ETV6: variants seen among roughly 807,000 people sequenced by gnomAD.
ETV6 encodes the protein transcription factor ETV6.
A neutral mutation model predicts 51.1 loss-of-function variants in ETV6; 16 were observed. That is an observed-to-expected ratio of 0.31 (90% CI 0.21 to 0.48). ETV6 has a LOEUF of 0.48. Ranked by LOEUF, ETV6 falls within the 20% of genes least tolerant of loss-of-function variation. ETV6 has a pLI of 0.99. For missense variants in ETV6, 458 were observed against 594.8 expected (o/e 0.77, Z 2.39); for synonymous variants, 240 against 224.1 (o/e 1.07, Z -0.64).
chr12:11,738,522 A>G (rs1453547422), intron 1 of ETV6, among the ~76,000 whole-genome samples: 2 of 151,234 alleles, frequency 1.3e-5, no homozygotes, highest in Non-Finnish European at 2.9e-5. Context: ...GCCCAGACTC[A>G]TCTCAAACTC....
At chr12:11,650,306 C>T in intron 1 of ETV6, 146 bp downstream of exon 1, 1 of 742,540 alleles carries the variant, frequency 1.3e-6, no homozygotes, top group South Asian at 1.5e-5. Context: ...AGATGCAGCT[C>T]GCGGTGGCTG....
intron 2 of ETV6, among the ~76,000 whole-genome samples, chr12:11,820,680 A>G (rs2710285): frequency 0.28 from 42,158 of 151,944 alleles, 6,124 homozygotes; most frequent in East Asian, 0.49. Flanking sequence ...GAGGGAAAGG[A>G]TGATGGCAGG....
chr12:11,755,232 C>G (rs954339304), intron 2 of ETV6, among the ~76,000 whole-genome samples: 1 of 152,162 alleles, frequency 6.6e-6, no homozygotes, highest in Admixed American at 6.5e-5. Flanking sequence ...TATCACCCTT[C>G]GAAGGATGGA....
chr12:11,818,686 G>A (rs1946032441), intron 2 of ETV6, among the ~76,000 whole-genome samples: 1 of 152,200 alleles, frequency 6.6e-6, no homozygotes, highest in African/African-American at 2.4e-5. Flanking sequence ...TGCTTTCCAA[G>A]GACAGTAGAA....
chr12:11,830,019 G>A (rs1946218121), intron 2 of ETV6, among the ~76,000 whole-genome samples: 1 of 152,176 alleles, frequency 6.6e-6, no homozygotes, highest in African/African-American at 2.4e-5. Context: ...GATTTGCAGA[G>A]AGCAGGCCGG....
At chr12:11,812,565 TTTC>T (rs1201143321) in intron 2 of ETV6, among the ~76,000 whole-genome samples, 5 of 152,128 alleles carry the variant, frequency 3.3e-5, no homozygotes, top group African/African-American at 1.2e-4. Flanking sequence ...TTGGGTGGAT[TTTC>T]TTGTTTTCTG....
chr12:11,703,860 T>C (rs1865027276), intron 1 of ETV6, among the ~76,000 whole-genome samples: 1 of 152,218 alleles, frequency 6.6e-6, no homozygotes, highest in African/African-American at 2.4e-5. Context: ...AGATAAGTAA[T>C]TGACTGACCA....
intron 4 of ETV6, among the ~76,000 whole-genome samples, chr12:11,854,562 A>G (rs1191376693): frequency 6.6e-6 from 1 of 152,244 alleles, no homozygotes; most frequent in Non-Finnish European, 1.5e-5. Flanking sequence ...CTTTTATTAC[A>G]GAAAATTTCA....
chr12:11,796,457 A>G (rs1945677823), intron 2 of ETV6, among the ~76,000 whole-genome samples: 2 of 152,208 alleles, frequency 1.3e-5, no homozygotes, highest in Non-Finnish European at 1.5e-5. Context: ...AAGCTTGTCA[A>G]TGGCAGAGTG....
At position 11,869,572 on chromosome 12, in the gene ETV6, C is replaced by T. The variant is rs770038030; in HGVS notation, c.612C>T (p.Pro204=). Residue 204 remains proline (P), a synonymous_variant, in exon 5 of 8, where the codon CCC becomes CCT. Transcript: ENST00000396373. The surrounding 1 kb of genome is among the most constrained non-coding windows in gnomAD (Gnocchi z 5.0). ...CCGAGCAGCGGCCCCTCCGGTCCCC[C>T]CTGGACAACATGATCCGCCGCCTCT... ...PDPEQRPLRS[P]LDNMIRRLSP... 8.1e-6 allele frequency: 13 copies of T among 1,614,182 alleles called. No individual in the cohort carries two copies. Among genetic ancestry groups the T allele is most frequent in the South Asian group, 1.1e-5 (1 of 91,080 alleles).
At chr12:11,867,840 T>A (rs1946812758) in intron 4 of ETV6, among the ~76,000 whole-genome samples, 1 of 152,042 alleles carries the variant, frequency 6.6e-6, no homozygotes, top group Admixed American at 6.6e-5. Context: ...CCAGAGAGAG[T>A]TCATTGAGTT....
chr12:11,746,931 A>C (rs1251719034), intron 1 of ETV6, among the ~76,000 whole-genome samples: 2 of 152,010 alleles, frequency 1.3e-5, no homozygotes, highest in Non-Finnish European at 2.9e-5. Flanking sequence ...GGATGTAACC[A>C]TCCAGAAAGG....
In ETV6 at chr12:11,869,970, G is replaced by C; in HGVS notation, c.1009+1G>C. ...GCCATGCCCATTGGGAGAATAGCAGGTGAGTGAGTTCCCCTCTCGCCGCTC... is the reference window on the plus strand; with the variant it reads ...GCCATGCCCATTGGGAGAATAGCAGCTGAGTGAGTTCCCCTCTCGCCGCTC... On this transcript the variant is annotated splice_donor_variant, in intron 5 of 7. Coordinates refer to ENST00000396373, the MANE Select transcript of ETV6 (RefSeq NM_001987.5). LOFTEE classifies it high-confidence loss of function. This position sits in a 1 kb window ranked among gnomAD's most constrained non-coding sequence, Gnocchi z 5.0. The C allele has an allele frequency of 6.3e-7, 1 of 1,598,066 alleles. No individual in the cohort carries two copies. Among genetic ancestry groups the C allele is most frequent in the Non-Finnish European group, 8.5e-7 (1 of 1,176,310 alleles).
At chr12:11,879,778 G>A (rs972482668) in intron 5 of ETV6, among the ~76,000 whole-genome samples, 5 of 152,110 alleles carry the variant, frequency 3.3e-5, no homozygotes, top group African/African-American at 7.2e-5. Flanking sequence ...ATACATATAC[G>A]TTCAGGTGTT....
chr12:11,743,796 TTCTTTC>T (rs1865855221), intron 1 of ETV6, among the ~76,000 whole-genome samples: 1 of 152,212 alleles, frequency 6.6e-6, no homozygotes. Context: ...GCCGTCGCTT[TTCTTTC>T]TCTTCCTTTT....
At chr12:11,839,436 G>A (rs565604147) in intron 3 of ETV6, 132 bp downstream of exon 3, 23 of 898,932 alleles carry the variant, frequency 2.6e-5, no homozygotes, top group Non-Finnish European at 1.7e-6. Flanking sequence ...ACGATGGAAG[G>A]AAGTTGAAGG....
In ETV6 at chr12:11,795,507, C is replaced by T. The variant is rs536118814; in HGVS notation, c.163+42928C>T. The stretch of plus-strand genomic sequence containing the variant: ...GAACAATTTCAGTCATCATTGGGAA[C>T]CATGATAGATTATGTAGCACTTTAA... On this transcript the variant is annotated intron_variant, in intron 2 of 7. Transcript: ENST00000396373. 2.6e-5 allele frequency among the ~76,000 whole-genome samples: 4 copies of T among 152,346 alleles called. No homozygotes were observed. In the East Asian group the frequency reaches 7.7e-4, roughly 29 times the overall value.
At chr12:11,790,225 T>C (rs2136384571) in intron 2 of ETV6, among the ~76,000 whole-genome samples, 1 of 152,294 alleles carries the variant, frequency 6.6e-6, no homozygotes, top group South Asian at 2.1e-4. Flanking sequence ...CTGGATGATA[T>C]TTTTCTTTCC....
intron 2 of ETV6, among the ~76,000 whole-genome samples, chr12:11,756,242 G>T (rs1945005769): frequency 1.3e-5 from 2 of 152,184 alleles, no homozygotes; most frequent in African/African-American, 4.8e-5. Context: ...AGGGAAGAAA[G>T]GCCAGACCGT....
Sources: gnomAD v4.1 joint callset for allele counts (sites outside exome capture counted in the v4.1 genomes callset) on GRCh38, gnomAD v4.1.1 for gene constraint, Gnocchi (gnomAD v3.1) non-coding constraint, MANE v1.5 for transcripts, NCBI Gene and HGNC (gene_info 2026-07-23, HGNC 2026-07-21) for gene names.